CACNA1A: variants seen among roughly 807,000 people sequenced by gnomAD.
The protein encoded by CACNA1A is voltage-dependent P/Q-type calcium channel subunit alpha-1A.
Under a neutral mutation model 262.4 loss-of-function variants are expected in CACNA1A, and 57 were observed. The observed-to-expected ratio is 0.22, with a 90% CI of 0.18 to 0.27. CACNA1A has a LOEUF of 0.27. Ranked by LOEUF, CACNA1A falls within the 10% of genes least tolerant of loss-of-function variation. CACNA1A has a pLI of 1.00. For missense variants in CACNA1A, 2,526 were observed against 3,562.8 expected (o/e 0.71, Z 7.41); for synonymous variants, 1,431 against 1,419.3 (o/e 1.01, Z -0.18).
At chr19:13,265,974 A>T (rs2056851869) in intron 24 of CACNA1A, among the ~76,000 whole-genome samples, 1 of 151,480 alleles carries the variant, frequency 6.6e-6, no homozygotes, top group South Asian at 2.1e-4. Context: ...CCTCCCGAGT[A>T]GCTGGGATTA....
chr19:13,402,799 CACAT>C (rs1352221870), intron 3 of CACNA1A, among the ~76,000 whole-genome samples: 163 of 133,146 alleles, frequency 1.2e-3, no homozygotes, highest in African/African-American at 4.5e-3. Flanking sequence ...CATATATACA[CACAT>C]ATATATATAC....
intron 3 of CACNA1A, among the ~76,000 whole-genome samples, chr19:13,393,043 A>G (rs2059738394): frequency 6.6e-6 from 1 of 152,174 alleles, no homozygotes; most frequent in African/African-American, 2.4e-5. Flanking sequence ...TGCTGGGATT[A>G]CAGGCATGAG....
chr19:13,296,860 A>G (rs1006781446), intron 19 of CACNA1A, among the ~76,000 whole-genome samples: 1 of 152,176 alleles, frequency 6.6e-6, no homozygotes, highest in Admixed American at 6.5e-5. Flanking sequence ...CCTGGGCTCC[A>G]GTGACCCTCC....
chr19:13,251,846 C>A (rs1486864135), intron 30 of CACNA1A, among the ~76,000 whole-genome samples: 2 of 152,040 alleles, frequency 1.3e-5, no homozygotes, highest in South Asian at 2.1e-4. Flanking sequence ...CTCACTGTAA[C>A]CTCCACTTTG....
chr19:13,453,562 G>C (rs2144939612), intron 2 of CACNA1A, among the ~76,000 whole-genome samples: 1 of 152,326 alleles, frequency 6.6e-6, no homozygotes, highest in Admixed American at 6.5e-5. Context: ...CCCTTAGGAT[G>C]GTTCTCAGCT....
At position 13,298,589 on chromosome 19, in the gene CACNA1A, C is replaced by A. The variant is rs761327710; in HGVS notation, c.3044G>T (p.Gly1015Val). The A allele has an allele frequency of 6.5e-7, 1 of 1,541,892 alleles. No homozygotes were observed. The highest frequency in any genetic ancestry group is 8.8e-7 in the Non-Finnish European group (1 of 1,142,438). ...CTCCTTGTCCTCCCTCCGCGCGTCC[C>A]CCTCGTACGTGGCTGGAGCGCCATG... ...HRHGAPATYE[G>V]DARREDKERR... The change falls in exon 19 of 47, where the codon GGG (glycine) becomes GTG (valine). Residue 1015 changes from glycine to valine, a missense_variant. Around this residue, in one of 17 missense-constraint regions of CACNA1A, gnomAD observed 765 missense variants for 748.6 expected, o/e 1.02. Transcript: ENST00000360228.
intron 3 of CACNA1A, among the ~76,000 whole-genome samples, chr19:13,430,194 A>G (rs952772823): frequency 7.1e-6 from 1 of 140,436 alleles, no homozygotes; most frequent in Non-Finnish European, 1.5e-5. Context: ...TGCATATGTT[A>G]CCACAATGAA....
intron 19 of CACNA1A, among the ~76,000 whole-genome samples, chr19:13,295,301 G>A (rs2057640675): frequency 6.6e-6 from 1 of 152,084 alleles, no homozygotes; most frequent in South Asian, 2.1e-4. Flanking sequence ...TGATTGAGGG[G>A]CACTGCAGGC....
At chr19:13,321,505 C>T (rs1298994663) in intron 10 of CACNA1A, among the ~76,000 whole-genome samples, 1 of 152,104 alleles carries the variant, frequency 6.6e-6, no homozygotes, top group Non-Finnish European at 1.5e-5. Context: ...GCAATTTTGT[C>T]CTTGTGTGAG....
chr19:13,463,262 C>CCATT (rs2061159241), intron 1 of CACNA1A, among the ~76,000 whole-genome samples: 1 of 152,138 alleles, frequency 6.6e-6, no homozygotes. Context: ...TAAAGGCCAA[C>CCATT]CATTGCATGC....
intron 12 of CACNA1A, among the ~76,000 whole-genome samples, chr19:13,311,163 C>G (rs1329863994): frequency 6.6e-6 from 1 of 152,180 alleles, no homozygotes; most frequent in African/African-American, 2.4e-5. Flanking sequence ...GATCATAGCT[C>G]ACTGCAGCCT....
intron 31 of CACNA1A, among the ~76,000 whole-genome samples, chr19:13,240,749 C>CTGTG (rs79937677): frequency 0.67 from 101,034 of 149,896 alleles, 34,417 homozygotes; most frequent in East Asian, 0.95. Context: ...CGTGCAGCGT[C>CTGTG]TGTGTGCAGT....
intron 10 of CACNA1A, among the ~76,000 whole-genome samples, chr19:13,319,050 G>GC (rs1794827280): frequency 6.6e-6 from 1 of 151,724 alleles, no homozygotes; most frequent in South Asian, 2.1e-4. Flanking sequence ...CACCATGCCC[G>GC]CTTAATTAAA....
In CACNA1A at chr19:13,241,520, C is replaced by CG; in HGVS notation, c.4950+3661_4950+3662insC. 1 of 1,473,620 alleles carries CG rather than the reference C, an allele frequency of 6.8e-7. No homozygotes were observed. The highest frequency in any genetic ancestry group is 9.1e-7 in the Non-Finnish European group (1 of 1,095,440). 91.3% of individuals were successfully genotyped at this position (1,473,620 alleles called of 1,614,324 possible). A position where few individuals can be genotyped will look rare whatever the true frequency, so the allele number is the denominator to read the frequency against. On this transcript the variant is annotated intron_variant, in intron 31 of 46. Coordinates refer to ENST00000360228, the MANE Select transcript of CACNA1A (RefSeq NM_001127222.2). The surrounding 1 kb of genome is among the most constrained non-coding windows in gnomAD (Gnocchi z 4.0). Reference sequence around the variant, plus strand: ...AGACTTCAGAAAGAAGTAAGACCAACCGGATTCTAGATGCAGATGTTGAAG... The same window carrying CG: ...AGACTTCAGAAAGAAGTAAGACCAACGCGGATTCTAGATGCAGATGTTGAAG...
intron 3 of CACNA1A, among the ~76,000 whole-genome samples, chr19:13,399,535 A>G (rs2059864476): frequency 6.6e-6 from 1 of 152,110 alleles, no homozygotes; most frequent in Non-Finnish European, 1.5e-5. Flanking sequence ...AAGTTCCCAA[A>G]TCGCTATCCC....
At chr19:13,356,881 C>T (rs1329138217) in intron 6 of CACNA1A, among the ~76,000 whole-genome samples, 2 of 152,176 alleles carry the variant, frequency 1.3e-5, no homozygotes, top group South Asian at 2.1e-4. Context: ...TTGCAGGTGA[C>T]GGCCAAGAGA....
At chr19:13,416,315 C>G (rs1002527994) in intron 3 of CACNA1A, among the ~76,000 whole-genome samples, 1 of 152,058 alleles carries the variant, frequency 6.6e-6, no homozygotes, top group Admixed American at 6.6e-5. Context: ...GTTGCCCAGG[C>G]TGGTCTCAAA....
intron 22 of CACNA1A, among the ~76,000 whole-genome samples, chr19:13,279,657 G>C (rs577894954): frequency 1.1e-4 from 17 of 152,114 alleles, no homozygotes; most frequent in Non-Finnish European, 2.1e-4. Context: ...GCTAATTTTT[G>C]TATTTTTAGT....
chr19:13,498,991 C>T (rs1014934962), intron 1 of CACNA1A, among the ~76,000 whole-genome samples: 4 of 152,094 alleles, frequency 2.6e-5, no homozygotes, highest in South Asian at 4.2e-4. Context: ...ATGGTTCCCT[C>T]GCCAGGAATG....
Sources: allele counts gnomAD v4.1 joint callset (sites outside exome capture counted in the v4.1 genomes callset), GRCh38; gene constraint gnomAD v4.1.1; regional missense constraint gnomAD v4.1.1; non-coding constraint Gnocchi (gnomAD v3.1); transcripts MANE v1.5; gene names NCBI Gene and HGNC (gene_info 2026-07-23, HGNC 2026-07-21).